RGS6: variants seen among roughly 807,000 people sequenced by gnomAD.
RGS6 encodes regulator of G protein signaling 6, also known as regulator of G-protein signaling 6.
RGS6 carries 30 observed loss-of-function variants against 78.5 expected under a neutral mutation model. The observed-to-expected ratio is 0.38, with a 90% CI of 0.29 to 0.52. RGS6 has a LOEUF of 0.52. Ranked by LOEUF, RGS6 falls within the 20% of genes least tolerant of loss-of-function variation. The pLI is 0.85. For missense variants in RGS6, 495 were observed against 609.7 expected, an observed-to-expected ratio of 0.81 and a Z score of 1.98; for synonymous variants, 206 against 206.0, an observed-to-expected ratio of 1.00 and a Z score of 0.00.
At chr14:72,518,852 G>A (rs1263063506) in intron 15 of RGS6, among the ~76,000 whole-genome samples, 1 of 152,222 alleles carries the variant, frequency 6.6e-6, no homozygotes, top group Admixed American at 6.5e-5. Context: ...CCAGAACACA[G>A]CATTGGGGAA....
At chr14:72,256,024 C>A (rs4903004) in intron 2 of RGS6, among the ~76,000 whole-genome samples, 89,388 of 152,076 alleles carry the variant, frequency 0.59, 26,742 homozygotes, top group Middle Eastern at 0.68. Context: ...TTTGTTACAG[C>A]CCAGTGGTTC....
chr14:71,893,260 C>T, the RGS6 span, among the ~76,000 whole-genome samples: 1 of 152,316 alleles, frequency 6.6e-6, no homozygotes, highest in Admixed American at 6.5e-5. Flanking sequence ...AGAATTTTGT[C>T]ACTGATGAAA....
chr14:72,432,871 A>G (rs1364052950), intron 3 of RGS6, among the ~76,000 whole-genome samples: 1 of 152,340 alleles, frequency 6.6e-6, no homozygotes, highest in East Asian at 1.9e-4. Flanking sequence ...AAATTCTACA[A>G]TCACAGCCAA....
chr14:72,047,757 C>T (rs545070202), intron 2 of RGS6, among the ~76,000 whole-genome samples: 71 of 151,976 alleles, frequency 4.7e-4, no homozygotes, highest in East Asian at 1.9e-4. Context: ...GATGGAATCT[C>T]GCTCTTGTCA....
At chr14:72,278,312 T>C (rs1376188268) in intron 2 of RGS6, among the ~76,000 whole-genome samples, 2 of 152,252 alleles carry the variant, frequency 1.3e-5, no homozygotes, top group African/African-American at 4.8e-5. Context: ...ATAAAAACAC[T>C]GATTTACAGG....
intron 2 of RGS6, among the ~76,000 whole-genome samples, chr14:72,243,016 TTG>T (rs549432760): frequency 3.3e-5 from 5 of 151,834 alleles, no homozygotes; most frequent in Non-Finnish European, 7.4e-5. Flanking sequence ...ACCTGGCTTT[TTG>T]TGTGTGTGTT....
chr14:72,254,602 C>T (rs2056651834), intron 2 of RGS6, among the ~76,000 whole-genome samples: 1 of 152,116 alleles, frequency 6.6e-6, no homozygotes, highest in Admixed American at 6.5e-5. Context: ...CTGGGAACCC[C>T]TCTGCAGCTA....
At chr14:72,230,273 G>A (rs1232858665) in intron 2 of RGS6, among the ~76,000 whole-genome samples, 1 of 152,222 alleles carries the variant, frequency 6.6e-6, no homozygotes, top group Non-Finnish European at 1.5e-5. Context: ...GTTATGGTCA[G>A]TGTTGACAGA....
chr14:72,624,199 C>T, the RGS6 span, among the ~76,000 whole-genome samples: 2 of 152,074 alleles, frequency 1.3e-5, no homozygotes, highest in African/African-American at 4.8e-5. Flanking sequence ...GAGAATTGTA[C>T]TCACTGTGCC....
intron 15 of RGS6, among the ~76,000 whole-genome samples, chr14:72,527,856 T>C (rs2097137401): frequency 6.6e-6 from 1 of 152,186 alleles, no homozygotes. Context: ...AAAGTCTGGA[T>C]GTGATTCTAG....
intron 2 of RGS6, among the ~76,000 whole-genome samples, chr14:72,188,070 A>T (rs1031018301): frequency 6.6e-6 from 1 of 151,676 alleles, no homozygotes; most frequent in African/African-American, 2.4e-5. Context: ...TGGTCCAAGG[A>T]TAGTGCCAGC....
At chr14:72,514,557 CCTCG>C (rs2096917519) in intron 14 of RGS6, among the ~76,000 whole-genome samples, 1 of 152,238 alleles carries the variant, frequency 6.6e-6, no homozygotes, top group Non-Finnish European at 1.5e-5. Context: ...GCCCAGGCTG[CCTCG>C]CTCCAAAAGC....
At chr14:71,987,036 CAG>C (rs1405790977) in intron 2 of RGS6, among the ~76,000 whole-genome samples, 1 of 152,198 alleles carries the variant, frequency 6.6e-6, no homozygotes, top group African/African-American at 2.4e-5. Flanking sequence ...GTCCCACCTG[CAG>C]AGTCTCTTTT....
chr14:72,183,476 A>G (rs763004288), intron 2 of RGS6, among the ~76,000 whole-genome samples: 1 of 152,246 alleles, frequency 6.6e-6, no homozygotes, highest in African/African-American at 2.4e-5. Flanking sequence ...AATTGCAGGT[A>G]GAGTTTTATA....
At chr14:71,913,152 G>A in the RGS6 span, among the ~76,000 whole-genome samples, 5 of 152,118 alleles carry the variant, frequency 3.3e-5, no homozygotes, top group African/African-American at 9.7e-5. Flanking sequence ...TACATAAAGA[G>A]CCAGATTTCA....
intron 6 of RGS6, among the ~76,000 whole-genome samples, chr14:72,459,929 G>A (rs1237853641): frequency 6.6e-6 from 1 of 152,154 alleles, no homozygotes; most frequent in African/African-American, 2.4e-5. Context: ...TCTTATCAAG[G>A]GTGGTCAGTA....
chr14:72,123,899 C>G (rs2096122165), intron 2 of RGS6, among the ~76,000 whole-genome samples: 1 of 152,184 alleles, frequency 6.6e-6, no homozygotes, highest in South Asian at 2.1e-4. Flanking sequence ...TTCCCTGTCC[C>G]TCATTTGCTG....
chr14:72,110,602 G>T (rs1001518555), intron 2 of RGS6, among the ~76,000 whole-genome samples: 1 of 152,308 alleles, frequency 6.6e-6, no homozygotes, highest in African/African-American at 2.4e-5. Context: ...GAGCATCAGA[G>T]TGTAAATCCA....
intron 17 of RGS6, among the ~76,000 whole-genome samples, chr14:72,555,623 C>CAAAGT (rs1555472739): frequency 2.6e-5 from 4 of 152,144 alleles, no homozygotes; most frequent in African/African-American, 9.7e-5. Context: ...CAGCCATGTG[C>CAAAGT]AAAGTAAGAG....
Sources: gnomAD v4.1 joint callset for allele counts (sites outside exome capture counted in the v4.1 genomes callset) on GRCh38, gnomAD v4.1.1 for gene constraint, MANE v1.5 for transcripts, NCBI Gene and HGNC (gene_info 2026-07-23, HGNC 2026-07-21) for gene names.